Variants in SENP5 observed in about 807,000 individuals in gnomAD.
SENP5 encodes the protein sentrin-specific protease 5.
Under a neutral mutation model 74.2 loss-of-function variants are expected in SENP5, and 21 were observed. That is an observed-to-expected ratio of 0.28 (90% CI 0.20 to 0.41). SENP5 has a LOEUF of 0.41. SENP5 is among the 10% of genes least tolerant of loss of function. SENP5 has a pLI of 1.00. For synonymous variants in SENP5, 311 were observed against 312.7 expected (o/e 0.99, Z 0.06); for missense variants, 717 against 889.1 (o/e 0.81, Z 2.46).
intron 1 of SENP5, among the ~76,000 whole-genome samples, chr3:196,870,923 C>G (rs1215405489): frequency 6.6e-6 from 1 of 151,906 alleles, no homozygotes. Flanking sequence ...GTAATCCCAG[C>G]ACTTTGGGAG....
Position 196,886,499 on chromosome 3 carries a change from T to C in SENP5, c.1318T>C (p.Tyr440His), listed in dbSNP as rs1050647218. 5 of 1,612,586 alleles carry C rather than the reference T, an allele frequency of 3.1e-6. No homozygotes were observed. Among genetic ancestry groups the C allele is most frequent in the Non-Finnish European group, 4.2e-6 (5 of 1,179,446 alleles). Reference protein sequence around the residue: ...SQKAVQNENSYQMEEDGSLKQ... With the variant: ...SQKAVQNENSHQMEEDGSLKQ... ...AAAGGCTGTTCAAAATGAGAACTCATACCAGATGGAGGAGGATGGATCTCT... is the reference window on the plus strand; with the variant it reads ...AAAGGCTGTTCAAAATGAGAACTCACACCAGATGGAGGAGGATGGATCTCT... The change falls in exon 2 of 10, where the codon TAC becomes CAC. Residue 440 changes from tyrosine to histidine, a missense_variant. Coordinates refer to ENST00000323460, the MANE Select transcript of SENP5 (RefSeq NM_152699.5).
chr3:196,911,569 A>G (rs1715130664), intron 6 of SENP5, among the ~76,000 whole-genome samples: 1 of 152,018 alleles, frequency 6.6e-6, no homozygotes, highest in African/African-American at 2.4e-5. Flanking sequence ...AAAAAAAAAA[A>G]AAAGGACATT....
intron 2 of SENP5, among the ~76,000 whole-genome samples, chr3:196,894,711 C>T (rs564348267): frequency 2.0e-5 from 3 of 151,988 alleles, no homozygotes; most frequent in African/African-American, 4.8e-5. Flanking sequence ...CCTTAATTAG[C>T]GTAGTTTTAT....
rs1357677270 is a variant in SENP5 at position 196,886,310 on chromosome 3, T to C, written c.1129T>C (p.Leu377=). 21 of 1,613,964 alleles carry C rather than the reference T, an allele frequency of 1.3e-5. No individual in the cohort carries two copies. Among genetic ancestry groups the C allele is most frequent in the Non-Finnish European group, 1.7e-5 (20 of 1,180,026 alleles). The change falls in exon 2 of 10, where the codon TTA becomes CTA. Residue 377 remains leucine, a synonymous_variant. Coordinates refer to ENST00000323460, the MANE Select transcript of SENP5 (RefSeq NM_152699.5). ...ECTELIHDIP[L]PEHRSNTMFI... ...TACAGAGCTGATTCATGACATCCCC[T>C]TACCAGAACATCGTTCTAATACCAT...
intron 1 of SENP5, among the ~76,000 whole-genome samples, chr3:196,873,775 C>T (rs1713330097): frequency 1.3e-5 from 2 of 152,012 alleles, no homozygotes; most frequent in Non-Finnish European, 1.5e-5. Context: ...GGAGGCGGAG[C>T]TTGCAGTGAG....
chr3:196,917,752 A>G (rs180781206), intron 6 of SENP5, among the ~76,000 whole-genome samples: 7 of 152,304 alleles, frequency 4.6e-5, no homozygotes, highest in Admixed American at 1.3e-4. Flanking sequence ...TTCCCAGACA[A>G]ACAAAAGCTG....
chr3:196,918,304 C>CAAA lies in SENP5; in HGVS notation c.1885-5098_1885-5096dup, dbSNP rs34835074. Among the ~76,000 whole-genome samples the CAAA allele has an allele frequency of 1.5e-3, 191 of 125,594 alleles. 3 individuals are homozygous for CAAA. The highest frequency in any genetic ancestry group is 5.4e-3 in the African/African-American group (186 of 34,714). 82.4% of individuals were successfully genotyped at this position (125,594 alleles called of 152,430 possible). A position where few individuals can be genotyped will look rare whatever the true frequency, so the allele number is the denominator to read the frequency against. Reference sequence around the variant, plus strand: ...GCTGGGCGACAGAACGAGACTCTGTCAAAAAAAAAAAAAAGTAGAAACAAC... The same window carrying CAAA: ...GCTGGGCGACAGAACGAGACTCTGTCAAAAAAAAAAAAAAAAAGTAGAAACAAC... On this transcript the variant is annotated intron_variant, in intron 6 of 9. Transcript: ENST00000323460.
rs911849618 is a variant in SENP5, at chr3:196,932,533, C to T, written c.*1610C>T. 6.6e-6 allele frequency: 1 copy of T among 152,024 alleles called. No individual in the cohort carries two copies. The highest frequency in any genetic ancestry group is 1.5e-5 in the Non-Finnish European group (1 of 68,048). The allele number at this position is 152,024 out of a possible 1,614,324, so 9.4% of individuals were successfully genotyped here. ...AGACCCAAAATCCTTAATGTCAAAC[C>T]AGGTCAGTGTTTCTTACTGTGTTTC... On this transcript the variant is annotated 3_prime_UTR_variant, in exon 10 of 10. Transcript: ENST00000323460.
At chr3:196,919,128 G>C (rs1452348960) in intron 6 of SENP5, among the ~76,000 whole-genome samples, 2 of 152,100 alleles carry the variant, frequency 1.3e-5, no homozygotes, top group East Asian at 3.9e-4. Flanking sequence ...GAGAGAGAGA[G>C]ACTCAACAAT....
chr3:196,870,855 A>G (rs1409408021), intron 1 of SENP5, among the ~76,000 whole-genome samples: 3 of 151,974 alleles, frequency 2.0e-5, no homozygotes, highest in African/African-American at 7.2e-5. Context: ...ATGACAAAGG[A>G]TATCCTAAAG....
intron 2 of SENP5, among the ~76,000 whole-genome samples, chr3:196,897,996 A>G (rs1411453977): frequency 6.9e-6 from 1 of 145,306 alleles, no homozygotes; most frequent in Non-Finnish European, 1.5e-5. Flanking sequence ...ACATGGTGAA[A>G]CCCCGTCTCT....
intron 1 of SENP5, among the ~76,000 whole-genome samples, chr3:196,876,740 G>A (rs1425192710): frequency 6.7e-6 from 1 of 149,626 alleles, no homozygotes; most frequent in African/African-American, 2.5e-5. Context: ...ATTGCCAGGC[G>A]TGGTGGTGTG....
At chr3:196,904,388 T>C (rs138469378) in intron 6 of SENP5, among the ~76,000 whole-genome samples, 176 of 152,262 alleles carry the variant, frequency 1.2e-3, no homozygotes, top group African/African-American at 3.9e-3. Flanking sequence ...GTTTGGTATA[T>C]TGGAGTATTA....
chr3:196,869,913 A>G lies in SENP5; in HGVS notation c.-32+1840A>G, dbSNP rs535834301. ...ATCATAGAAAAATTGAAATTTAACA[A>G]TATTTTGCTTTTATTCTAGCTTGTC... is the stretch of plus-strand genomic sequence containing the variant. On this transcript the variant is annotated intron_variant, in intron 1 of 9. Coordinates refer to ENST00000323460, the MANE Select transcript of SENP5 (RefSeq NM_152699.5). 7.3e-4 allele frequency among the ~76,000 whole-genome samples: 110 copies of G among 151,334 alleles called. 1 individual carries two copies. Among genetic ancestry groups the G allele is most frequent in the Middle Eastern group, 3.4e-3 (1 of 292 alleles).
chr3:196,915,568 G>A (rs1019381485), intron 6 of SENP5, among the ~76,000 whole-genome samples: 1 of 152,146 alleles, frequency 6.6e-6, no homozygotes, highest in Admixed American at 6.5e-5. Flanking sequence ...ATCAGCGGTC[G>A]CCAGGCAGGA....
chr3:196,925,322 C>T (rs1032043967), intron 7 of SENP5, among the ~76,000 whole-genome samples: 1 of 152,126 alleles, frequency 6.6e-6, no homozygotes, highest in Non-Finnish European at 1.5e-5. Context: ...ACCCCAAAAA[C>T]AAGAAGCCTC....
intron 6 of SENP5, among the ~76,000 whole-genome samples, chr3:196,918,700 A>G (rs1715487929): frequency 6.6e-6 from 1 of 152,168 alleles, no homozygotes; most frequent in South Asian, 2.1e-4. Context: ...AAAGTCTCTA[A>G]TCAAAAGACA....
intron 6 of SENP5, among the ~76,000 whole-genome samples, chr3:196,915,153 GCAGT>G (rs1715320105): frequency 1.3e-5 from 2 of 152,176 alleles, no homozygotes; most frequent in African/African-American, 4.8e-5. Flanking sequence ...AATTTGAAAG[GCAGT>G]CAGGCCACAG....
chr3:196,907,180 T>C (rs113603569), intron 6 of SENP5, among the ~76,000 whole-genome samples: 5 of 152,208 alleles, frequency 3.3e-5, no homozygotes, highest in African/African-American at 1.2e-4. Flanking sequence ...GCTGTGTAGA[T>C]AATGAACGAT....
Sources: gnomAD v4.1 joint callset for allele counts (sites outside exome capture counted in the v4.1 genomes callset) on GRCh38, gnomAD v4.1.1 for gene constraint, MANE v1.5 for transcripts, NCBI Gene and HGNC (gene_info 2026-07-23, HGNC 2026-07-21) for gene names.